Variants in ANKRD44 observed in about 807,000 individuals in gnomAD.
The protein encoded by ANKRD44 is ankyrin repeat domain 44, also known as serine/threonine-protein phosphatase 6 regulatory ankyrin repeat subunit B.
ANKRD44 carries 35 observed loss-of-function variants against 116.0 expected under a neutral mutation model. The observed-to-expected ratio is 0.30, with a 90% CI of 0.23 to 0.40. The LOEUF (loss-of-function observed/expected upper bound fraction) is 0.40, where lower values mean the gene tolerates loss of function less well. Ranked by LOEUF, ANKRD44 falls within the 10% of genes least tolerant of loss-of-function variation. The probability of loss-of-function intolerance (pLI) is 1.00; values close to 1 mark genes in which losing one functional copy is unlikely to be tolerated. For synonymous variants in ANKRD44, 435 were observed against 461.8 expected (o/e 0.94, Z 0.74); for missense variants, 1,014 against 1,242.6 (o/e 0.82, Z 2.77).
chr2:197,263,015 T>C (rs2178201), intron 1 of ANKRD44: 200,654 of 253,158 alleles, frequency 0.79, 79,911 homozygotes, highest in South Asian at 0.83. Context: ...TGATATGCTC[T>C]GGTGCTGTCT....
At chr2:197,026,065 C>G (rs916180292) in intron 16 of ANKRD44, among the ~76,000 whole-genome samples, 11 of 82,372 alleles carry the variant, frequency 1.3e-4, no homozygotes, top group Admixed American at 2.6e-4. Flanking sequence ...AAAAAAACAC[C>G]TTTCTGGGCA....
chr2:197,022,179 G>A (rs1446082154), intron 17 of ANKRD44, among the ~76,000 whole-genome samples: 1 of 152,150 alleles, frequency 6.6e-6, no homozygotes, highest in Non-Finnish European at 1.5e-5. Flanking sequence ...AATTGCTACT[G>A]AGGCCCCTAG....
intron 1 of ANKRD44, among the ~76,000 whole-genome samples, chr2:197,247,580 G>A (rs1387154141): frequency 1.3e-5 from 2 of 152,198 alleles, no homozygotes; most frequent in East Asian, 3.8e-4. Flanking sequence ...TATCGTGCAT[G>A]AGAGGACACA....
At chr2:197,128,700 G>C (rs1259610731) in intron 4 of ANKRD44, among the ~76,000 whole-genome samples, 2 of 152,162 alleles carry the variant, frequency 1.3e-5, no homozygotes, top group Non-Finnish European at 2.9e-5. Context: ...TTTTCATCAT[G>C]AAATCTTTGC....
intron 6 of ANKRD44, among the ~76,000 whole-genome samples, chr2:197,124,717 A>T (rs2125336442): frequency 6.6e-6 from 1 of 152,348 alleles, no homozygotes; most frequent in South Asian, 2.1e-4. Context: ...CCAATTAGAA[A>T]CACAAAGGGA....
chr2:197,122,506 G>GT, intron 7 of ANKRD44, 144 bp downstream of exon 7: 1 of 1,021,990 alleles, frequency 9.8e-7, no homozygotes, highest in South Asian at 1.7e-5. Flanking sequence ...CCCTTCATCA[G>GT]TTGCCCACAA....
chr2:196,968,904 AG>A (rs1350739677), intron 21 of ANKRD44, among the ~76,000 whole-genome samples: 1 of 152,212 alleles, frequency 6.6e-6, no homozygotes, highest in Non-Finnish European at 1.5e-5. Context: ...CCTGGCTTCA[AG>A]GACCATTAGT....
chr2:197,068,280 G>C (rs1475314618), intron 16 of ANKRD44, among the ~76,000 whole-genome samples: 12 of 137,838 alleles, frequency 8.7e-5, no homozygotes, highest in African/African-American at 3.0e-4. Flanking sequence ...ATTAGTGGGT[G>C]CAGCGCACCA....
intron 1 of ANKRD44, among the ~76,000 whole-genome samples, chr2:197,192,889 AT>A (rs2080857883): frequency 6.6e-6 from 1 of 152,208 alleles, no homozygotes; most frequent in African/African-American, 2.4e-5. Context: ...TTATAAATAC[AT>A]TTTTTAAAAA....
intron 16 of ANKRD44, among the ~76,000 whole-genome samples, chr2:197,068,370 T>C (rs187006730): frequency 2.8e-5 from 2 of 70,352 alleles, no homozygotes; most frequent in East Asian, 4.1e-4. Flanking sequence ...ATAAAAAAAA[T>C]AAAAAAAAGA....
At chr2:197,154,248 C>G (rs1050171333) in intron 2 of ANKRD44, among the ~76,000 whole-genome samples, 3 of 143,616 alleles carry the variant, frequency 2.1e-5, no homozygotes, top group Non-Finnish European at 4.5e-5. Context: ...GGCGCGATCT[C>G]GGCTCACTGC....
At chr2:197,133,152 C>T (rs1426514922) in intron 4 of ANKRD44, among the ~76,000 whole-genome samples, 1 of 152,222 alleles carries the variant, frequency 6.6e-6, no homozygotes, top group East Asian at 1.9e-4. Flanking sequence ...AGGGGCAGTG[C>T]CTGGCTTGAT....
chr2:197,009,614 C>T (rs1420369258), intron 18 of ANKRD44, among the ~76,000 whole-genome samples: 1 of 152,174 alleles, frequency 6.6e-6, no homozygotes, highest in East Asian at 1.9e-4. Flanking sequence ...AGCAATCTGA[C>T]TGCCTTGGCC....
rs7422965 is a variant in ANKRD44, at chr2:197,258,487, C to T, written c.27+52091G>A. Reference sequence around the variant, plus strand: ...ATCACATTTTGTTTATCAATTCATACGTCATTGGACGTTTGAGTTGTTTCC... The same window carrying T: ...ATCACATTTTGTTTATCAATTCATATGTCATTGGACGTTTGAGTTGTTTCC... On this transcript the variant is annotated intron_variant, in intron 1 of 27. Coordinates refer to ENST00000282272, the MANE Select transcript of ANKRD44 (RefSeq NM_001195144.2). Among the ~76,000 whole-genome samples the T allele has an allele frequency of 2.9e-4, 44 of 152,152 alleles. 1 individual carries two copies. Among genetic ancestry groups the T allele is most frequent in the African/African-American group, 9.4e-4 (39 of 41,506 alleles).
chr2:197,109,061 C>A (rs1015763900), intron 9 of ANKRD44, among the ~76,000 whole-genome samples: 1 of 152,140 alleles, frequency 6.6e-6, no homozygotes, highest in Non-Finnish European at 1.5e-5. Context: ...CAGGGATGAA[C>A]CTGCGGGGAA....
intron 10 of ANKRD44, among the ~76,000 whole-genome samples, chr2:197,093,099 A>AACACAC (rs147676501): frequency 4.2e-5 from 6 of 144,462 alleles, no homozygotes; most frequent in Admixed American, 7.0e-5. Context: ...AATACATACA[A>AACACAC]ACACACACAC....
intron 1 of ANKRD44, among the ~76,000 whole-genome samples, chr2:197,294,203 T>C (rs1245052641): frequency 6.6e-6 from 1 of 152,228 alleles, no homozygotes; most frequent in Non-Finnish European, 1.5e-5. Context: ...CCATGTTTTC[T>C]AAAGTTGTAC....
intron 2 of ANKRD44, among the ~76,000 whole-genome samples, chr2:197,175,132 G>A (rs967967409): frequency 6.6e-6 from 1 of 152,104 alleles, no homozygotes; most frequent in Non-Finnish European, 1.5e-5. Flanking sequence ...AGATGAGGAG[G>A]CAGGATGTCA....
At chr2:197,030,820 G>T (rs1270270835) in intron 16 of ANKRD44, among the ~76,000 whole-genome samples, 2 of 152,000 alleles carry the variant, frequency 1.3e-5, no homozygotes, top group Non-Finnish European at 2.9e-5. Context: ...TTTTGTTGTT[G>T]GTGGTGGTGT....
Sources: gnomAD v4.1 joint callset for allele counts (sites outside exome capture counted in the v4.1 genomes callset) on GRCh38, gnomAD v4.1.1 for gene constraint, MANE v1.5 for transcripts, NCBI Gene and HGNC (gene_info 2026-07-23, HGNC 2026-07-21) for gene names.